The following FMN2 variants were observed in gnomAD, a reference collection of about 807,000 sequenced individuals.
FMN2 encodes formin 2, also known as formin-2.
A neutral mutation model predicts 142.3 loss-of-function variants in FMN2; 51 were observed. The observed-to-expected ratio is 0.36, with a 90% CI of 0.29 to 0.45. The LOEUF is 0.45. Among genes scored for constraint, FMN2 ranks in the 20% least tolerant of loss-of-function variants. The pLI is 1.00. For missense variants in FMN2, 1,936 were observed against 2,122.8 expected (o/e 0.91, Z 1.73); for synonymous variants, 882 against 869.8 (o/e 1.01, Z -0.25).
chr1:240,292,276 G>A (rs982433978), intron 7 of FMN2, among the ~76,000 whole-genome samples: 3 of 151,900 alleles, frequency 2.0e-5, no homozygotes, highest in East Asian at 1.9e-4. Flanking sequence ...TTTTGCCACC[G>A]AAATAAATAA....
intron 16 of FMN2, among the ~76,000 whole-genome samples, chr1:240,443,097 G>A (rs1284416867): frequency 6.6e-6 from 1 of 152,118 alleles, no homozygotes; most frequent in Admixed American, 6.6e-5. Context: ...ACATTGCTAA[G>A]GCACACTGAC....
intron 7 of FMN2, among the ~76,000 whole-genome samples, chr1:240,274,504 A>C (rs866770790): frequency 6.6e-6 from 1 of 151,976 alleles, no homozygotes. Context: ...GGGGAGGGAG[A>C]TCATGTAGGG....
chr1:240,144,781 G>A (rs1229538399), intron 2 of FMN2: 54 of 1,403,908 alleles, frequency 3.8e-5, no homozygotes, highest in East Asian at 6.9e-5. Flanking sequence ...GCTCTGCGTC[G>A]TGGACCATGT....
intron 2 of FMN2, among the ~76,000 whole-genome samples, chr1:240,168,350 G>C (rs967959448): frequency 1.3e-5 from 2 of 152,134 alleles, no homozygotes; most frequent in African/African-American, 4.8e-5. Context: ...CATTTTGGGA[G>C]GCTGAGGTGG....
Position 240,294,716 on chromosome 1 carries a change from C to A in FMN2, c.4154-106C>A, listed in dbSNP as rs970566898. The A allele has an allele frequency of 3.1e-6, 3 of 958,112 alleles. No individual in the cohort carries two copies. In the African/African-American group the frequency reaches 4.8e-5, roughly 15 times the overall value. 59.4% of individuals were successfully genotyped at this position (958,112 alleles called of 1,614,324 possible). A position where few individuals can be genotyped will look rare whatever the true frequency, so the allele number is the denominator to read the frequency against. On this transcript the variant is annotated intron_variant, in intron 7 of 17. Transcript: ENST00000319653. ...GCAAGGGGAAACATTGAAGTTAAAG[C>A]CCCTGCTCCCTCTGGCTGCTGAGCC...
intron 1 of FMN2, among the ~76,000 whole-genome samples, chr1:240,094,850 C>T (rs901138632): frequency 7.2e-5 from 11 of 152,056 alleles, no homozygotes; most frequent in African/African-American, 2.7e-4. Flanking sequence ...GCACAGACAG[C>T]GACTTCTTAG....
intron 8 of FMN2, among the ~76,000 whole-genome samples, chr1:240,328,167 A>AAG (rs1671249027): frequency 2.8e-5 from 4 of 141,072 alleles, no homozygotes; most frequent in African/African-American, 8.1e-5. Context: ...AAAAAAAAAA[A>AAG]AAAAAGAAAA....
chr1:240,274,065 C>G (rs529231176), intron 7 of FMN2, among the ~76,000 whole-genome samples: 1 of 152,158 alleles, frequency 6.6e-6, no homozygotes, highest in East Asian at 1.9e-4. Flanking sequence ...TGATTTCTTC[C>G]AATGCTTCAG....
At chr1:240,228,131 C>A (rs2103436227) in intron 6 of FMN2, among the ~76,000 whole-genome samples, 1 of 151,254 alleles carries the variant, frequency 6.6e-6, no homozygotes, top group African/African-American at 2.4e-5. Context: ...TGGAGAAACC[C>A]CATCTCTACT....
At chr1:240,171,652 G>A (rs768905921) in intron 2 of FMN2, among the ~76,000 whole-genome samples, 6 of 152,182 alleles carry the variant, frequency 3.9e-5, no homozygotes, top group African/African-American at 4.8e-5. Context: ...AAATCTCAGC[G>A]AAGCACTCTT....
At chr1:240,362,348 AT>A (rs1290727519) in intron 14 of FMN2, among the ~76,000 whole-genome samples, 1 of 152,160 alleles carries the variant, frequency 6.6e-6, no homozygotes, top group Non-Finnish European at 1.5e-5. Flanking sequence ...AAGACAACTA[AT>A]TCTTAATCTC....
intron 6 of FMN2, among the ~76,000 whole-genome samples, chr1:240,214,566 A>C (rs1666822062): frequency 7.0e-6 from 1 of 142,892 alleles, no homozygotes; most frequent in Non-Finnish European, 1.5e-5. Flanking sequence ...AAAAAAAAAA[A>C]GAAAAAGAAA....
At chr1:240,355,984 A>AAAAAAAAAAC (rs1293020810) in intron 14 of FMN2, 76 bp downstream of exon 14, 1 of 809,090 alleles carries the variant, frequency 1.2e-6, no homozygotes, top group African/African-American at 2.1e-5. Flanking sequence ...AAAAAAAAAA[A>AAAAAAAAAAC]AAGCTACAAG....
At chr1:240,273,314 G>T (rs1201406166) in intron 7 of FMN2, among the ~76,000 whole-genome samples, 1 of 152,190 alleles carries the variant, frequency 6.6e-6, no homozygotes, top group African/African-American at 2.4e-5. Context: ...TATGAGGCAG[G>T]TGTTTTTATC....
chr1:240,388,637 G>T (rs1673493282), intron 14 of FMN2, among the ~76,000 whole-genome samples: 1 of 152,014 alleles, frequency 6.6e-6, no homozygotes, highest in African/African-American at 2.4e-5. Context: ...TGAGGCAGGT[G>T]GATCACCTCA....
chr1:240,273,264 A>G (rs2102923756), intron 7 of FMN2, among the ~76,000 whole-genome samples: 1 of 152,336 alleles, frequency 6.6e-6, no homozygotes, highest in South Asian at 2.1e-4. Flanking sequence ...ATAATAGGGA[A>G]CACTTACAGA....
At chr1:240,304,666 C>T (rs569245654) in intron 8 of FMN2, among the ~76,000 whole-genome samples, 2 of 152,196 alleles carry the variant, frequency 1.3e-5, no homozygotes, top group South Asian at 2.1e-4. Context: ...ACAATGGCCT[C>T]CTGCTTCTTT....
intron 2 of FMN2, among the ~76,000 whole-genome samples, chr1:240,169,870 CTG>C (rs1664631679): frequency 6.6e-6 from 1 of 152,162 alleles, no homozygotes; most frequent in Non-Finnish European, 1.5e-5. Flanking sequence ...TTCATGCAAA[CTG>C]TGGCATCAGG....
intron 7 of FMN2, among the ~76,000 whole-genome samples, chr1:240,290,907 G>A (rs761976427): frequency 1.9e-4 from 28 of 148,396 alleles, no homozygotes; most frequent in Admixed American, 9.5e-4. Flanking sequence ...TCTACCTCCC[G>A]GGTTCAAGTG....
Sources: gnomAD v4.1 joint callset for allele counts (sites outside exome capture counted in the v4.1 genomes callset) on GRCh38, gnomAD v4.1.1 for gene constraint, MANE v1.5 for transcripts, NCBI Gene and HGNC (gene_info 2026-07-23, HGNC 2026-07-21) for gene names.